Variants in VGLL3 observed in about 807,000 individuals in gnomAD.
The protein encoded by VGLL3 is transcription cofactor vestigial-like protein 3.
VGLL3 carries 18 observed loss-of-function variants against 29.2 expected under a neutral mutation model. That is an observed-to-expected ratio of 0.62 (90% CI 0.43 to 0.91). VGLL3 has a LOEUF of 0.91. Ranked by LOEUF, VGLL3 falls within the 40% of genes least tolerant of loss-of-function variation. The probability of loss-of-function intolerance (pLI) is 0.00; values close to 1 mark genes in which losing one functional copy is unlikely to be tolerated. For missense variants in VGLL3, 440 were observed against 413.2 expected (o/e 1.06, Z -0.56); for synonymous variants, 180 against 151.8 (o/e 1.19, Z -1.36).
chr3:86,981,415 G>C (rs1203225961), intron 1 of VGLL3, among the ~76,000 whole-genome samples: 1 of 151,702 alleles, frequency 6.6e-6, no homozygotes, highest in Non-Finnish European at 1.5e-5. Flanking sequence ...AGCTGCCCCT[G>C]CATTAAAATA....
chr3:86,945,404 A>G lies in VGLL3; in HGVS notation c.*1620T>C, dbSNP rs764032607. ...AAAGTGGCATTTCACTGAACATACT[A>G]TTTTATGTGGGTGGAGAGAAAAATG... On this transcript the variant is annotated 3_prime_UTR_variant, in exon 4 of 4. Coordinates refer to ENST00000398399, the MANE Select transcript of VGLL3 (RefSeq NM_016206.4). 2 of 152,134 alleles carry G rather than the reference A, an allele frequency of 1.3e-5. No homozygotes were observed. Among genetic ancestry groups the G allele is most frequent in the African/African-American group, 2.4e-5 (1 of 41,436 alleles). 9.4% of individuals were successfully genotyped at this position (152,134 alleles called of 1,614,324 possible). A position where few individuals can be genotyped will look rare whatever the true frequency, so the allele number is the denominator to read the frequency against.
Position 86,968,822 on chromosome 3 carries a change from G to A in VGLL3, c.705C>T (p.His235=). ...VYMRHHHPHA[H]MHHRHRHHHH... is the part of the protein sequence containing the mutation. Reference sequence around the variant, plus strand: ...GATGGTGGCGGTGGCGGTGGTGCATGTGGGCATGAGGGTGGTGGTGCCGCA... The same window carrying A: ...GATGGTGGCGGTGGCGGTGGTGCATATGGGCATGAGGGTGGTGGTGCCGCA... The change falls in exon 3 of 4, where the codon CAC becomes CAT. Residue 235 remains histidine (H), a synonymous_variant. Transcript: ENST00000398399. 6.2e-7 allele frequency: 1 copy of A among 1,614,168 alleles called. No individual in the cohort carries two copies. Among genetic ancestry groups the A allele is most frequent in the Non-Finnish European group, 8.5e-7 (1 of 1,180,028 alleles).
In VGLL3 at chr3:86,943,072, T is replaced by C. The variant is rs6789975; in HGVS notation, c.*3952A>G. On this transcript the variant is annotated 3_prime_UTR_variant, in exon 4 of 4. Coordinates refer to ENST00000398399, the MANE Select transcript of VGLL3 (RefSeq NM_016206.4). ...CCAGAGCCTGCCTGTTAGGTATTAT[T>C]CCATTTTACTCATGAGATAAATAAA... is the stretch of plus-strand genomic sequence containing the variant. The C allele has an allele frequency of 0.58, 88,117 of 151,744 alleles. 25,940 individuals carry two copies. The highest frequency in any genetic ancestry group is 0.68 in the Middle Eastern group (199 of 294). 9.4% of individuals were successfully genotyped at this position (151,744 alleles called of 1,614,324 possible). A position where few individuals can be genotyped will look rare whatever the true frequency, so the allele number is the denominator to read the frequency against.
In VGLL3 at chr3:86,990,833, C is replaced by T; in HGVS notation, c.-90G>A. On this transcript the variant is annotated 5_prime_UTR_variant, in exon 1 of 4. Coordinates refer to ENST00000398399, the MANE Select transcript of VGLL3 (RefSeq NM_016206.4). ...CGGGCGCCGCCGCCGCCGCAGCTGC[C>T]GCCTCTGTCGCTGCTCCAGCTGCTA... 1 of 1,182,994 alleles carries T rather than the reference C, an allele frequency of 8.5e-7. No individual in the cohort carries two copies. Among genetic ancestry groups the T allele is most frequent in the Non-Finnish European group, 1.1e-6 (1 of 949,540 alleles). 73.3% of individuals were successfully genotyped at this position (1,182,994 alleles called of 1,614,324 possible). A position where few individuals can be genotyped will look rare whatever the true frequency, so the allele number is the denominator to read the frequency against.
chr3:86,962,865 G>GA (rs1704882905), intron 3 of VGLL3: 1 of 164,196 alleles, frequency 6.1e-6, no homozygotes, highest in African/African-American at 2.4e-5. Context: ...TCAAAATAGG[G>GA]AAGCCAGCCT....
chr3:86,955,646 C>T (rs1200539277), intron 3 of VGLL3, among the ~76,000 whole-genome samples: 1 of 152,144 alleles, frequency 6.6e-6, no homozygotes, highest in African/African-American at 2.4e-5. Context: ...CCACCTTGGC[C>T]TCCCAAAGTG....
intron 1 of VGLL3, among the ~76,000 whole-genome samples, chr3:86,979,626 A>G (rs1705282093): frequency 6.6e-6 from 1 of 152,192 alleles, no homozygotes; most frequent in Admixed American, 6.5e-5. Flanking sequence ...TAATCTTTAC[A>G]ATTCTATAAC....
At chr3:86,962,338 G>C in intron 3 of VGLL3, 15 of 985,328 alleles carry the variant, frequency 1.5e-5, no homozygotes, top group Non-Finnish European at 1.8e-5. Context: ...AGCCCTGGGT[G>C]CAAAATATGG....
chr3:86,982,447 T>C (rs1053507330), intron 1 of VGLL3, among the ~76,000 whole-genome samples: 3 of 148,620 alleles, frequency 2.0e-5, no homozygotes, highest in Non-Finnish European at 4.4e-5. Flanking sequence ...CGTCCAGCTC[T>C]GCTTTTTTTT....
chr3:86,958,033 CT>C (rs1258022754), intron 3 of VGLL3, among the ~76,000 whole-genome samples: 1 of 152,114 alleles, frequency 6.6e-6, no homozygotes, highest in Admixed American at 6.6e-5. Context: ...AATATGCACA[CT>C]TTTTTGTTAT....
At chr3:86,961,986 T>A (rs550987708) in intron 3 of VGLL3, 158 of 982,428 alleles carry the variant, frequency 1.6e-4, no homozygotes, top group Non-Finnish European at 7.1e-5. Context: ...AAGAGGTATA[T>A]GGTAGGCAAT....
intron 3 of VGLL3, among the ~76,000 whole-genome samples, chr3:86,951,696 C>T (rs1704621161): frequency 6.8e-6 from 1 of 147,210 alleles, no homozygotes; most frequent in Admixed American, 6.9e-5. Flanking sequence ...CTAGAGACTC[C>T]CCCCTCTTTA....
At chr3:86,965,836 C>T (rs1301910807) in intron 3 of VGLL3, among the ~76,000 whole-genome samples, 1 of 152,122 alleles carries the variant, frequency 6.6e-6, no homozygotes, top group African/African-American at 2.4e-5. Flanking sequence ...GAATCCAGGC[C>T]TCTATTGACT....
intron 3 of VGLL3, among the ~76,000 whole-genome samples, chr3:86,961,717 T>C (rs1704846832): frequency 6.6e-6 from 1 of 152,194 alleles, no homozygotes. Context: ...CTAGGTGTTA[T>C]CTCTGGCCCC....
intron 3 of VGLL3, among the ~76,000 whole-genome samples, chr3:86,958,390 G>T (rs564176973): frequency 1.3e-5 from 2 of 152,028 alleles, no homozygotes; most frequent in East Asian, 1.9e-4. Context: ...TTACCAAGAC[G>T]TCTTTTACAA....
At chr3:86,980,744 G>A (rs138152002) in intron 1 of VGLL3, among the ~76,000 whole-genome samples, 4 of 151,020 alleles carry the variant, frequency 2.6e-5, no homozygotes, top group Non-Finnish European at 5.9e-5. Flanking sequence ...CTGCTTCTTC[G>A]GGTGCATGTG....
rs1704318875 is a variant in VGLL3 at position 86,938,298 on chromosome 3, C to G, written c.*8726G>C. 6.6e-6 allele frequency: 1 copy of G among 152,242 alleles called. No homozygotes were observed. The highest frequency in any genetic ancestry group is 6.5e-5 in the Admixed American group (1 of 15,274). 9.4% of individuals were successfully genotyped at this position (152,242 alleles called of 1,614,324 possible). A position where few individuals can be genotyped will look rare whatever the true frequency, so the allele number is the denominator to read the frequency against. On this transcript the variant is annotated 3_prime_UTR_variant, in exon 4 of 4. Transcript: ENST00000398399. ...TTGTAAGAAAAATGATAACACTGGA[C>G]AGATTTTTCATGTAGCCATTTTCTT...
intron 2 of VGLL3, among the ~76,000 whole-genome samples, chr3:86,976,818 C>T (rs1352046112): frequency 6.6e-6 from 1 of 152,116 alleles, no homozygotes; most frequent in African/African-American, 2.4e-5. Flanking sequence ...TGCATATGCC[C>T]ATGTGCTAAA....
intron 3 of VGLL3, among the ~76,000 whole-genome samples, chr3:86,953,360 T>C (rs1704652142): frequency 1.3e-5 from 2 of 152,252 alleles, no homozygotes; most frequent in South Asian, 4.1e-4. Context: ...ACAATATTTA[T>C]TCTATAGTAT....
Sources: allele counts gnomAD v4.1 joint callset (sites outside exome capture counted in the v4.1 genomes callset), GRCh38; gene constraint gnomAD v4.1.1; transcripts MANE v1.5; gene names NCBI Gene and HGNC (gene_info 2026-07-23, HGNC 2026-07-21).